SLC39A10: variants seen among roughly 807,000 people sequenced by gnomAD.
The protein encoded by SLC39A10 is zinc transporter ZIP10.
SLC39A10 carries 13 observed loss-of-function variants against 65.1 expected under a neutral mutation model. The observed-to-expected ratio is 0.20, with a 90% CI of 0.13 to 0.32. The LOEUF is 0.32. Ranked by LOEUF, SLC39A10 falls within the 10% of genes least tolerant of loss-of-function variation. The pLI is 1.00. For synonymous variants in SLC39A10, 321 were observed against 342.2 expected (o/e 0.94, Z 0.68); for missense variants, 831 against 1,018.4 (o/e 0.82, Z 2.50).
chr2:195,640,682 A>G (rs908405231), intron 2 of SLC39A10, among the ~76,000 whole-genome samples: 113 of 152,322 alleles, frequency 7.4e-4, no homozygotes, highest in African/African-American at 2.5e-3. Flanking sequence ...ATGTTTTCCA[A>G]TGAATAGGTA....
At chr2:195,629,932 C>T (rs184925944) in intron 2 of SLC39A10, among the ~76,000 whole-genome samples, 106 of 152,028 alleles carry the variant, frequency 7.0e-4, no homozygotes, top group African/African-American at 2.5e-3. Context: ...TAGGGGATCT[C>T]ACCATGTTGG....
intron 3 of SLC39A10, among the ~76,000 whole-genome samples, chr2:195,691,518 C>T (rs1690738815): frequency 1.3e-5 from 2 of 152,160 alleles, no homozygotes; most frequent in Non-Finnish European, 1.5e-5. Context: ...CACATCTATG[C>T]CAACATCTAT....
intron 3 of SLC39A10, among the ~76,000 whole-genome samples, chr2:195,699,684 AT>A (rs1171032323): frequency 6.6e-6 from 1 of 152,096 alleles, no homozygotes; most frequent in African/African-American, 2.4e-5. Flanking sequence ...TTGAGACTTA[AT>A]TTGCGACCTA....
intron 3 of SLC39A10, among the ~76,000 whole-genome samples, chr2:195,706,041 G>C (rs889744878): frequency 1.3e-5 from 2 of 151,592 alleles, no homozygotes; most frequent in Non-Finnish European, 2.9e-5. Flanking sequence ...CAGGTGTGGA[G>C]AAAAAAAATC....
chr2:195,640,767 T>C (rs2105704831), intron 2 of SLC39A10, among the ~76,000 whole-genome samples: 1 of 152,348 alleles, frequency 6.6e-6, no homozygotes, highest in African/African-American at 2.4e-5. Context: ...TGTGTTCATT[T>C]TGTTCTCTGA....
chr2:195,734,516 T>C (rs1692524856), intron 9 of SLC39A10, among the ~76,000 whole-genome samples: 1 of 152,216 alleles, frequency 6.6e-6, no homozygotes, highest in African/African-American at 2.4e-5. Flanking sequence ...GTGGGAATTG[T>C]GGTGATCGGT....
chr2:195,669,140 G>C (rs141106435), intron 1 of SLC39A10, among the ~76,000 whole-genome samples: 2 of 151,180 alleles, frequency 1.3e-5, no homozygotes, highest in African/African-American at 2.4e-5. Context: ...GATTATTTTA[G>C]TATTTATCTG....
chr2:195,688,222 CT>C (rs1690599085), intron 3 of SLC39A10, among the ~76,000 whole-genome samples: 1 of 151,816 alleles, frequency 6.6e-6, no homozygotes, highest in Non-Finnish European at 1.5e-5. Context: ...TAAAAGATAC[CT>C]TTTGTTTAGT....
At chr2:195,624,173 G>A (rs561338825) in intron 2 of SLC39A10, among the ~76,000 whole-genome samples, 1 of 152,008 alleles carries the variant, frequency 6.6e-6, no homozygotes, top group Admixed American at 6.6e-5. Context: ...ATCACATGAG[G>A]TTGGTAGTTC....
chr2:195,637,084 A>G (rs1280502842), intron 2 of SLC39A10, among the ~76,000 whole-genome samples: 2 of 152,184 alleles, frequency 1.3e-5, no homozygotes, highest in Non-Finnish European at 2.9e-5. Flanking sequence ...ATGAGTCAGC[A>G]ATGGTCTGCC....
At chr2:195,642,254 G>A (rs1688826630) in intron 2 of SLC39A10, among the ~76,000 whole-genome samples, 1 of 152,212 alleles carries the variant, frequency 6.6e-6, no homozygotes. Context: ...TAACTTGGGT[G>A]TGGTGAGAAG....
At chr2:195,709,190 A>AACTT (rs1691514678) in intron 5 of SLC39A10, among the ~76,000 whole-genome samples, 1 of 144,490 alleles carries the variant, frequency 6.9e-6, no homozygotes, top group African/African-American at 2.6e-5. Context: ...ATGCCCAGCT[A>AACTT]ACTTGTATGT....
At position 195,680,761 on chromosome 2, in the gene SLC39A10, G is replaced by C; in HGVS notation, c.719G>C (p.Ser240Thr). The C allele has an allele frequency of 6.2e-7, 1 of 1,614,130 alleles. No homozygotes were observed. The change falls in exon 2 of 10, where the codon AGT (serine) becomes ACT (threonine). Residue 240 changes from serine (S) to threonine (T), a missense_variant. By Grantham distance (58) the Ser-to-Thr change is moderately conservative (BLOSUM62 1). Transcript: ENST00000359634. ...AAGAGGAAGAAAAAAGGGAGGAAAAGTAATGAAAATTCTGAGGTTATTACA... is the reference window on the plus strand; with the variant it reads ...AAGAGGAAGAAAAAAGGGAGGAAAACTAATGAAAATTCTGAGGTTATTACA... Reference protein sequence around the residue: ...KGKRKKKGRKSNENSEVITPG... With the variant: ...KGKRKKKGRKTNENSEVITPG...
At chr2:195,684,959 ACTC>A (rs1267712210) in intron 3 of SLC39A10, among the ~76,000 whole-genome samples, 1 of 152,078 alleles carries the variant, frequency 6.6e-6, no homozygotes, top group Non-Finnish European at 1.5e-5. Context: ...GAATTCATTT[ACTC>A]CTCACAACAC....
At chr2:195,712,381 A>G (rs1480759928) in intron 5 of SLC39A10, among the ~76,000 whole-genome samples, 2 of 152,272 alleles carry the variant, frequency 1.3e-5, no homozygotes, top group Non-Finnish European at 2.9e-5. Flanking sequence ...GTGGAGCAGA[A>G]TGCTCATACA....
At chr2:195,637,962 A>G (rs899686103) in intron 2 of SLC39A10, among the ~76,000 whole-genome samples, 3 of 152,198 alleles carry the variant, frequency 2.0e-5, no homozygotes, top group Admixed American at 6.5e-5. Context: ...TGGGAAGAAG[A>G]ACAATCCTGT....
chr2:195,720,519 G>A (rs999059537), intron 8 of SLC39A10, among the ~76,000 whole-genome samples: 6 of 152,200 alleles, frequency 3.9e-5, no homozygotes, highest in African/African-American at 9.7e-5. Context: ...AAACTCACCT[G>A]GCTATGAAAT....
intron 1 of SLC39A10, chr2:195,670,228 T>C (rs1252809407): frequency 9.9e-6 from 1 of 100,840 alleles, no homozygotes; most frequent in Non-Finnish European, 2.3e-5. Context: ...TCAACCCTAA[T>C]TCCTTTTTTT....
chr2:195,698,749 A>G (rs866974558), intron 3 of SLC39A10, among the ~76,000 whole-genome samples: 2 of 151,752 alleles, frequency 1.3e-5, no homozygotes, highest in Middle Eastern at 3.4e-3. Context: ...CTGTGTTCAT[A>G]AGGGATATTG....
Sources: allele counts gnomAD v4.1 joint callset (sites outside exome capture counted in the v4.1 genomes callset), GRCh38; gene constraint gnomAD v4.1.1; transcripts MANE v1.5; gene names NCBI Gene and HGNC (gene_info 2026-07-23, HGNC 2026-07-21).